Variants in RAD51B observed in about 807,000 individuals in gnomAD.
RAD51B encodes RAD51 paralog B, also known as DNA repair protein RAD51 homolog 2.
A neutral mutation model predicts 42.2 loss-of-function variants in RAD51B; 38 were observed. That is an observed-to-expected ratio of 0.90 (90% CI 0.70 to 1.18). The LOEUF is 1.18. Ranked by LOEUF, RAD51B falls within the 50% of genes most tolerant of loss-of-function variation. The pLI is 0.00. For synonymous variants in RAD51B, 154 were observed against 145.2 expected (o/e 1.06, Z -0.43); for missense variants, 373 against 400.7 (o/e 0.93, Z 0.59).
At chr14:68,186,271 C>T (rs753813494) in intron 7 of RAD51B, among the ~76,000 whole-genome samples, 1 of 152,086 alleles carries the variant, frequency 6.6e-6, no homozygotes, top group Non-Finnish European at 1.5e-5. Context: ...TAGAAGAAAA[C>T]CTAGGAAATA....
At chr14:68,404,348 G>A (rs2084204204) in intron 8 of RAD51B, among the ~76,000 whole-genome samples, 1 of 152,126 alleles carries the variant, frequency 6.6e-6, no homozygotes, top group African/African-American at 2.4e-5. Flanking sequence ...TCACTTATCT[G>A]TTTCCTAACC....
At chr14:67,895,505 A>G (rs2043383862) in intron 7 of RAD51B, among the ~76,000 whole-genome samples, 1 of 152,302 alleles carries the variant, frequency 6.6e-6, no homozygotes, top group East Asian at 1.9e-4. Flanking sequence ...TCATTTTCCC[A>G]AAGTGTATTT....
intron 7 of RAD51B, among the ~76,000 whole-genome samples, chr14:68,143,063 A>G (rs2078166122): frequency 6.6e-6 from 1 of 151,834 alleles, no homozygotes; most frequent in Non-Finnish European, 1.5e-5. Flanking sequence ...GTCCTAAAGG[A>G]ACACTGTGAT....
At chr14:68,451,965 C>T (rs2085567140) in intron 9 of RAD51B, among the ~76,000 whole-genome samples, 1 of 152,206 alleles carries the variant, frequency 6.6e-6, no homozygotes, top group South Asian at 2.1e-4. Flanking sequence ...GAGTTCCTGG[C>T]ATCTTTTTAC....
chr14:68,120,798 T>A (rs1050976212), intron 7 of RAD51B, among the ~76,000 whole-genome samples: 6 of 152,144 alleles, frequency 3.9e-5, no homozygotes, highest in Admixed American at 6.5e-5. Flanking sequence ...GAACCCAGGC[T>A]CTAGTTCATT....
intron 8 of RAD51B, among the ~76,000 whole-genome samples, chr14:68,388,054 TTGTGTGTGTG>T (rs140319319): frequency 4.2e-5 from 5 of 120,426 alleles, no homozygotes; most frequent in African/African-American, 1.7e-4. Flanking sequence ...GTGACTTGCA[TTGTGTGTGTG>T]TGTGTGTGTG....
At chr14:67,925,022 G>A (rs1047524663) in intron 7 of RAD51B, among the ~76,000 whole-genome samples, 4 of 152,198 alleles carry the variant, frequency 2.6e-5, no homozygotes, top group Non-Finnish European at 5.9e-5. Flanking sequence ...CCAAAACAAA[G>A]GGGCTCCAGG....
intron 7 of RAD51B, among the ~76,000 whole-genome samples, chr14:67,893,498 ACACACACAC>A (rs1197769282): frequency 0.023 from 2,232 of 98,220 alleles, 155 homozygotes; most frequent in African/African-American, 0.088. Flanking sequence ...ACACACACAC[ACACACACAC>A]ACAAAAAAAA....
At chr14:68,129,673 T>C (rs1226899404) in intron 7 of RAD51B, among the ~76,000 whole-genome samples, 1 of 152,214 alleles carries the variant, frequency 6.6e-6, no homozygotes, top group East Asian at 1.9e-4. Flanking sequence ...TATAGAAGCA[T>C]GGACAAGATC....
At chr14:68,295,531 G>A (rs2081597251) in intron 8 of RAD51B, among the ~76,000 whole-genome samples, 1 of 152,176 alleles carries the variant, frequency 6.6e-6, no homozygotes, top group South Asian at 2.1e-4. Flanking sequence ...GCCCTGTGCA[G>A]ATGACCTTGT....
chr14:68,417,783 A>G (rs967720831), intron 9 of RAD51B, among the ~76,000 whole-genome samples: 1 of 152,222 alleles, frequency 6.6e-6, no homozygotes, highest in African/African-American at 2.4e-5. Flanking sequence ...CAAACAAACA[A>G]GCAAACCATG....
intron 7 of RAD51B, among the ~76,000 whole-genome samples, chr14:68,040,981 G>T (rs1199582872): frequency 6.6e-6 from 1 of 152,170 alleles, no homozygotes; most frequent in African/African-American, 2.4e-5. Flanking sequence ...ATCTGGTTTG[G>T]CTCTGTGTGC....
intron 6 of RAD51B, 110 bp downstream of exon 6, chr14:67,886,098 G>T: frequency 1.1e-6 from 1 of 917,342 alleles, no homozygotes; most frequent in East Asian, 2.8e-5. Flanking sequence ...GAATTATGTG[G>T]AGTAACTTTT....
intron 7 of RAD51B, among the ~76,000 whole-genome samples, chr14:67,917,085 G>A (rs1833209745): frequency 6.6e-6 from 1 of 152,164 alleles, no homozygotes; most frequent in Admixed American, 6.5e-5. Flanking sequence ...GGCTTGCTCT[G>A]GTATTGCTGA....
intron 8 of RAD51B, among the ~76,000 whole-genome samples, chr14:68,343,894 C>G: frequency 6.6e-6 from 1 of 152,284 alleles, no homozygotes. Context: ...AGGGCACAAG[C>G]TGTAAGCTTT....
At chr14:67,958,300 G>A (rs1225621648) in intron 7 of RAD51B, among the ~76,000 whole-genome samples, 1 of 152,184 alleles carries the variant, frequency 6.6e-6, no homozygotes, top group Non-Finnish European at 1.5e-5. Context: ...CAGATTGATT[G>A]AATCTTCTGA....
At chr14:68,212,054 C>T (rs1234259021) in intron 7 of RAD51B, among the ~76,000 whole-genome samples, 1 of 152,186 alleles carries the variant, frequency 6.6e-6, no homozygotes. Flanking sequence ...CTCGTTTGCT[C>T]CACCAGTTTG....
At chr14:68,443,241 C>T (rs2085343506) in intron 9 of RAD51B, among the ~76,000 whole-genome samples, 1 of 152,144 alleles carries the variant, frequency 6.6e-6, no homozygotes, top group Non-Finnish European at 1.5e-5. Context: ...GAGTTGGATC[C>T]CATCTCTTCT....
intron 7 of RAD51B, among the ~76,000 whole-genome samples, chr14:68,018,427 A>C (rs2075812043): frequency 6.6e-6 from 1 of 152,246 alleles, no homozygotes. Flanking sequence ...TTTAAATGTC[A>C]CAGCAAGTTC....
Sources: gnomAD v4.1 joint callset for allele counts (sites outside exome capture counted in the v4.1 genomes callset) on GRCh38, gnomAD v4.1.1 for gene constraint, MANE v1.5 for transcripts, NCBI Gene and HGNC (gene_info 2026-07-23, HGNC 2026-07-21) for gene names.